STAMBP: variants seen among roughly 807,000 people sequenced by gnomAD.
The protein encoded by STAMBP is STAM binding protein.
STAMBP carries 31 observed loss-of-function variants against 50.7 expected under a neutral mutation model. That is an observed-to-expected ratio of 0.61 (90% CI 0.46 to 0.83). The LOEUF (loss-of-function observed/expected upper bound fraction) is 0.83, where lower values mean the gene tolerates loss of function less well. Ranked by LOEUF, STAMBP falls within the 40% of genes least tolerant of loss-of-function variation. The pLI is 0.00. For missense variants in STAMBP, 472 were observed against 518.9 expected (o/e 0.91, Z 0.88); for synonymous variants, 211 against 192.4 (o/e 1.10, Z -0.80).
intron 3 of STAMBP, 120 bp from the exon 4 acceptor site, chr2:73,845,047 G>T (rs1372626080): frequency 1.9e-6 from 3 of 1,538,986 alleles, no homozygotes; most frequent in Non-Finnish European, 2.6e-6. Context: ...GTATGGTACA[G>T]TAGGGGGTAT....
At position 73,859,248 on chromosome 2, in the gene STAMBP, C is replaced by T; in HGVS notation, c.1006-6C>T. 6.2e-7 allele frequency: 1 copy of T among 1,612,408 alleles called. No homozygotes were observed. Among genetic ancestry groups the T allele is most frequent in the Non-Finnish European group, 8.5e-7 (1 of 1,178,444 alleles). On this transcript the variant is annotated splice_region_variant and splice_polypyrimidine_tract_variant and intron_variant, in intron 7 of 9. Coordinates refer to ENST00000394070, the MANE Select transcript of STAMBP (RefSeq NM_213622.4). The stretch of plus-strand genomic sequence containing the variant: ...AAGAGTCCTCTGACTCTTTTTCTCT[C>T]CTCAGACTCACCCCACACAGACCGC...
chr2:73,842,767 A>G (rs983979128), intron 2 of STAMBP, among the ~76,000 whole-genome samples: 1 of 152,198 alleles, frequency 6.6e-6, no homozygotes, highest in African/African-American at 2.4e-5. Context: ...ACTTGTACAT[A>G]TATGTAATGT....
chr2:73,848,822 T>G lies in STAMBP; in HGVS notation c.743-541T>G, dbSNP rs143198466. 2.9e-3 allele frequency among the ~76,000 whole-genome samples: 438 copies of G among 152,348 alleles called. 4 individuals carry two copies. Among genetic ancestry groups the G allele is most frequent in the African/African-American group, 8.3e-3 (345 of 41,580 alleles). On this transcript the variant is annotated intron_variant, in intron 5 of 9. Transcript: ENST00000394070. ...GAGGTTATTTTTTTAATTCTTTGTA[T>G]TAGATTCTGACAGAAAATTCCCAAA...
chr2:73,857,697 A>G (rs1490337064), intron 7 of STAMBP, among the ~76,000 whole-genome samples: 3 of 152,150 alleles, frequency 2.0e-5, no homozygotes, highest in African/African-American at 7.2e-5. Flanking sequence ...TCACCTTATC[A>G]TTCATCAGAC....
chr2:73,873,034 T>TA (rs1292591266), intron 10 of STAMBP, among the ~76,000 whole-genome samples: 2 of 152,136 alleles, frequency 1.3e-5, no homozygotes, highest in Non-Finnish European at 2.9e-5. Context: ...AAGCACAAGA[T>TA]ATGGTAAATG....
At chr2:73,856,782 A>G (rs1466182145) in intron 7 of STAMBP, among the ~76,000 whole-genome samples, 1 of 152,156 alleles carries the variant, frequency 6.6e-6, no homozygotes, top group Non-Finnish European at 1.5e-5. Context: ...TCTGTCTCCA[A>G]CCCTGAGATG....
downstream of STAMBP, among the ~76,000 whole-genome samples, chr2:73,870,822 C>T (rs530038931): frequency 9.2e-5 from 14 of 152,302 alleles, no homozygotes; most frequent in East Asian, 2.5e-3. Context: ...CCCTGTGCCA[C>T]GTTGAACAGC....
Position 73,863,264 on chromosome 2 carries a change from C to G in STAMBP, c.*1005C>G, listed in dbSNP as rs1266921589. The G allele has an allele frequency of 6.6e-6, 1 of 152,172 alleles. No homozygotes were observed. Among genetic ancestry groups the G allele is most frequent in the East Asian group, 1.9e-4 (1 of 5,198 alleles). The allele number at this position is 152,172 out of a possible 1,614,324, so 9.4% of individuals were successfully genotyped here. A position where few individuals can be genotyped will look rare whatever the true frequency, so the allele number is the denominator to read the frequency against. ...CATTGTGTTGGCTGTTCTTTTCTGA[C>G]TAAGGCAATACCTAGGAAAACGCTT... On this transcript the variant is annotated 3_prime_UTR_variant, in exon 10 of 10. Transcript: ENST00000394070.
Position 73,850,630 on chromosome 2 carries a change from C to T in STAMBP, c.1005+117C>T. Reference sequence around the variant, plus strand: ...TCCAGATTATTTATTGTTTTTCTCTCTTTTGGATGCAGTCCTTAGCATACT... The same window carrying T: ...TCCAGATTATTTATTGTTTTTCTCTTTTTTGGATGCAGTCCTTAGCATACT... On this transcript the variant is annotated intron_variant, in intron 7 of 9. Transcript: ENST00000394070. The surrounding 1 kb of genome is among the most constrained non-coding windows in gnomAD (Gnocchi z 4.3). 3.4e-6 allele frequency: 4 copies of T among 1,176,922 alleles called. No homozygotes were observed. Among genetic ancestry groups the T allele is most frequent in the Non-Finnish European group, 4.6e-6 (4 of 866,924 alleles). The allele number at this position is 1,176,922 out of a possible 1,614,324, so 72.9% of individuals were successfully genotyped here.
chr2:73,852,963 G>A (rs1168458169), intron 7 of STAMBP, among the ~76,000 whole-genome samples: 44 of 116,774 alleles, frequency 3.8e-4, no homozygotes, highest in Non-Finnish European at 9.1e-5. Context: ...TGTATTTTTA[G>A]TAGAGACTGG....
intron 2 of STAMBP, among the ~76,000 whole-genome samples, chr2:73,835,244 C>G (rs1029307477): frequency 1.3e-5 from 2 of 151,882 alleles, no homozygotes; most frequent in African/African-American, 2.4e-5. Flanking sequence ...ATCCCAGCTA[C>G]CCGAGAGGCT....
intron 7 of STAMBP, among the ~76,000 whole-genome samples, chr2:73,854,188 A>G (rs538684398): frequency 1.2e-4 from 18 of 152,370 alleles, no homozygotes; most frequent in Admixed American, 3.3e-4. Context: ...ATGAACGGAA[A>G]TGAAGATCCA....
intron 2 of STAMBP, among the ~76,000 whole-genome samples, chr2:73,832,082 AACATATATATATATATATATATATAT>A (rs1673997098): frequency 1.2e-5 from 1 of 85,846 alleles, no homozygotes; most frequent in Non-Finnish European, 2.3e-5. Context: ...TTGAGTAGGT[AACATATATATATATATATATATATAT>A]ACACATATAT....
At chr2:73,868,559 A>G (rs144532419), downstream of STAMBP, among the ~76,000 whole-genome samples, 2 of 152,288 alleles carry the variant, frequency 1.3e-5, no homozygotes, top group East Asian at 3.9e-4. Context: ...GAAAATCAAC[A>G]TTTATTTTTT....
Position 73,853,227 on chromosome 2 carries a change from A to G in STAMBP, c.1005+2714A>G, listed in dbSNP as rs1395990403. ...AGACTGTAAGAGTTTAAGAACTCAT[A>G]GGGATTAAGTTTGTGGAGACAATGA... On this transcript the variant is annotated intron_variant, in intron 7 of 9. Transcript: ENST00000394070. 2.0e-5 allele frequency among the ~76,000 whole-genome samples: 3 copies of G among 152,144 alleles called. 1 individual carries two copies. The highest frequency in any genetic ancestry group is 4.1e-4 in the South Asian group (2 of 4,832).
At chr2:73,836,929 G>A (rs1674786811) in intron 2 of STAMBP, among the ~76,000 whole-genome samples, 1 of 152,248 alleles carries the variant, frequency 6.6e-6, no homozygotes, top group South Asian at 2.1e-4. Flanking sequence ...CCTGAGGCAT[G>A]CAGAGAAGGG....
chr2:73,840,439 G>A (rs1299782233), intron 2 of STAMBP, among the ~76,000 whole-genome samples: 1 of 151,236 alleles, frequency 6.6e-6, no homozygotes, highest in African/African-American at 2.4e-5. Context: ...AGAATTGTGA[G>A]TTTAAAGGAT....
chr2:73,834,234 AAAATATATATATATATATATATATATAT>A (rs1674400768), intron 2 of STAMBP, among the ~76,000 whole-genome samples: 3 of 16,762 alleles, frequency 1.8e-4, no homozygotes, highest in African/African-American at 3.6e-4. Flanking sequence ...AAAAAAAAAA[AAAATATATATATATATATATATATATAT>A]ATATATATAT....
chr2:73,842,812 A>G (rs1402479163), intron 2 of STAMBP, among the ~76,000 whole-genome samples: 1 of 152,218 alleles, frequency 6.6e-6, no homozygotes, highest in South Asian at 2.1e-4. Context: ...GCCTCTTTAT[A>G]CAAGGCACTG....
Sources: allele counts gnomAD v4.1 joint callset (sites outside exome capture counted in the v4.1 genomes callset), GRCh38; gene constraint gnomAD v4.1.1; non-coding constraint Gnocchi (gnomAD v3.1); transcripts MANE v1.5; gene names NCBI Gene and HGNC (gene_info 2026-07-23, HGNC 2026-07-21).